Variants in CALN1 observed in about 807,000 individuals in gnomAD.
CALN1 encodes calneuron 1, also known as calcium-binding protein 8.
Under a neutral mutation model 30.6 loss-of-function variants are expected in CALN1, and 17 were observed. The observed-to-expected ratio is 0.56, with a 90% CI of 0.38 to 0.83. The LOEUF (loss-of-function observed/expected upper bound fraction) is 0.83. Ranked by LOEUF, CALN1 falls within the 40% of genes least tolerant of loss-of-function variation. The pLI, the probability that CALN1 is intolerant of heterozygous loss-of-function variation, is 0.00. For missense variants in CALN1, 291 were observed against 354.9 expected, an observed-to-expected ratio of 0.82 and a Z score of 1.45; for synonymous variants, 156 against 131.4, an observed-to-expected ratio of 1.19 and a Z score of -1.28.
chr7:71,873,744 A>G (rs1252449270), intron 5 of CALN1, among the ~76,000 whole-genome samples: 1 of 152,252 alleles, frequency 6.6e-6, no homozygotes, highest in Non-Finnish European at 1.5e-5. Flanking sequence ...GCAGAGTTTG[A>G]GACCCACTGT....
upstream of CALN1, among the ~76,000 whole-genome samples, chr7:72,448,968 C>T (rs1808604532): frequency 2.0e-5 from 3 of 152,058 alleles, no homozygotes; most frequent in East Asian, 3.9e-4. Context: ...CCAATTGGTG[C>T]TCAGAAGCCA....
At chr7:72,111,874 A>G (rs750972438) in intron 3 of CALN1, among the ~76,000 whole-genome samples, 10 of 151,580 alleles carry the variant, frequency 6.6e-5, no homozygotes, top group Non-Finnish European at 1.2e-4. Context: ...CCTCAGCCTC[A>G]TGAATAGCTG....
chr7:72,229,733 G>A (rs1387734603), intron 3 of CALN1, among the ~76,000 whole-genome samples: 1 of 151,954 alleles, frequency 6.6e-6, no homozygotes, highest in East Asian at 1.9e-4. Context: ...GTTGAACAAT[G>A]AGAACACATG....
At chr7:72,468,568 C>A in the CALN1 span, among the ~76,000 whole-genome samples, 1 of 152,196 alleles carries the variant, frequency 6.6e-6, no homozygotes, top group Non-Finnish European at 1.5e-5. Context: ...CCAGACTCAG[C>A]CTCCCAAAGT....
intron 5 of CALN1, among the ~76,000 whole-genome samples, chr7:71,837,415 C>T (rs983642435): frequency 4.6e-5 from 7 of 151,940 alleles, no homozygotes; most frequent in Non-Finnish European, 8.8e-5. Flanking sequence ...TGGCATAAAA[C>T]GTGAATTAAC....
At chr7:72,082,387 T>C (rs1350863051) in intron 4 of CALN1, among the ~76,000 whole-genome samples, 2 of 152,152 alleles carry the variant, frequency 1.3e-5, no homozygotes, top group Non-Finnish European at 2.9e-5. Flanking sequence ...AGACCTTAAC[T>C]GGGTGCAGGC....
At chr7:72,329,167 T>C (rs1801489193) in intron 2 of CALN1, among the ~76,000 whole-genome samples, 1 of 152,266 alleles carries the variant, frequency 6.6e-6, no homozygotes, top group African/African-American at 2.4e-5. Context: ...ACTGAAATCA[T>C]ACTATAATTG....
At chr7:71,892,515 G>A (rs556351847) in intron 5 of CALN1, among the ~76,000 whole-genome samples, 2 of 152,234 alleles carry the variant, frequency 1.3e-5, no homozygotes, top group African/African-American at 2.4e-5. Flanking sequence ...GTGCCCACCT[G>A]TAATCCCCGC....
At chr7:72,083,001 G>C (rs1412660219) in intron 4 of CALN1, among the ~76,000 whole-genome samples, 1 of 151,864 alleles carries the variant, frequency 6.6e-6, no homozygotes, top group East Asian at 1.9e-4. Context: ...AGGAGTTCGA[G>C]ACCAGCCTGG....
At chr7:71,976,464 A>G (rs1419409774) in intron 5 of CALN1, among the ~76,000 whole-genome samples, 1 of 152,110 alleles carries the variant, frequency 6.6e-6, no homozygotes, top group Admixed American at 6.5e-5. Flanking sequence ...TGTGTCCTGG[A>G]GCATAGATGG....
chr7:72,245,220 T>C (rs1795081956), intron 3 of CALN1, among the ~76,000 whole-genome samples: 1 of 152,156 alleles, frequency 6.6e-6, no homozygotes, highest in South Asian at 2.1e-4. Flanking sequence ...AGCCCCGCCC[T>C]GGTAAGGACA....
chr7:72,042,825 C>A (rs1476029246), intron 4 of CALN1, among the ~76,000 whole-genome samples: 2 of 152,114 alleles, frequency 1.3e-5, no homozygotes, highest in Admixed American at 1.3e-4. Context: ...CTTGATGAAC[C>A]ACTCTTAAAA....
chr7:72,025,294 G>A (rs1254416768), intron 4 of CALN1, among the ~76,000 whole-genome samples: 1 of 151,952 alleles, frequency 6.6e-6, no homozygotes, highest in Non-Finnish European at 1.5e-5. Flanking sequence ...TGGGCAATAA[G>A]AGCAAGACTC....
At chr7:72,077,314 C>T (rs1482486987) in intron 4 of CALN1, among the ~76,000 whole-genome samples, 1 of 152,234 alleles carries the variant, frequency 6.6e-6, no homozygotes, top group Non-Finnish European at 1.5e-5. Flanking sequence ...CGCTCTGTCG[C>T]CCAGGCTGGA....
chr7:71,901,579 C>T (rs1398848956), intron 5 of CALN1, among the ~76,000 whole-genome samples: 1 of 151,998 alleles, frequency 6.6e-6, no homozygotes, highest in Non-Finnish European at 1.5e-5. Context: ...GATACACAGA[C>T]CAATGGAACA....
chr7:72,241,549 A>C (rs558732475), intron 3 of CALN1, among the ~76,000 whole-genome samples: 1 of 152,198 alleles, frequency 6.6e-6, no homozygotes, highest in South Asian at 2.1e-4. Context: ...TCTACTAAAA[A>C]TACAAAATTA....
intron 3 of CALN1, among the ~76,000 whole-genome samples, chr7:72,218,288 A>C (rs1213029117): frequency 6.6e-6 from 1 of 151,850 alleles, no homozygotes; most frequent in Non-Finnish European, 1.5e-5. Flanking sequence ...CTCTACTAAA[A>C]ATACAAAAAA....
chr7:71,923,341 A>G (rs1017440712), intron 5 of CALN1, among the ~76,000 whole-genome samples: 1 of 152,200 alleles, frequency 6.6e-6, no homozygotes, highest in Non-Finnish European at 1.5e-5. Context: ...AAACACAGAT[A>G]TAATCAACGG....
chr7:72,445,270 G>A (rs1183114397), intron 1 of CALN1, among the ~76,000 whole-genome samples: 4 of 152,092 alleles, frequency 2.6e-5, no homozygotes, highest in Non-Finnish European at 5.9e-5. Context: ...TGGGCCACCA[G>A]GCAACAGAGG....
Sources: allele counts gnomAD v4.1 joint callset (sites outside exome capture counted in the v4.1 genomes callset), GRCh38; gene constraint gnomAD v4.1.1; transcripts MANE v1.5; gene names NCBI Gene and HGNC (gene_info 2026-07-23, HGNC 2026-07-21).